UBA6: variants seen among roughly 807,000 people sequenced by gnomAD.
UBA6 encodes the protein ubiquitin like modifier activating enzyme 6.
Under a neutral mutation model 148.3 loss-of-function variants are expected in UBA6, and 87 were observed. That is an observed-to-expected ratio of 0.59 (90% confidence interval 0.49 to 0.70). UBA6 has a LOEUF of 0.70. UBA6 is among the 30% of genes least tolerant of loss of function. The pLI, the probability that UBA6 is intolerant of heterozygous loss-of-function variation, is 0.00. For synonymous variants in UBA6, 376 were observed against 401.0 expected (o/e 0.94, Z 0.75); for missense variants, 1,186 against 1,241.2 (o/e 0.96, Z 0.67).
chr4:67,618,968 G>A lies in UBA6; in HGVS notation c.*29C>T. On this transcript the variant is annotated 3_prime_UTR_variant, in exon 33 of 33. Transcript: ENST00000322244. ...AGTGCACTCTTTCCAAAATCAAGTG[G>A]TCCTGGAGTAACGTTAAGACAACTT... 1 of 1,608,130 alleles carries A rather than the reference G, an allele frequency of 6.2e-7. No individual in the cohort carries two copies. The highest frequency in any genetic ancestry group is 8.5e-7 in the Non-Finnish European group (1 of 1,177,464).
In UBA6 at chr4:67,617,141, T is replaced by C. The variant is rs1026216861; in HGVS notation, c.*1856A>G. The C allele has an allele frequency of 1.3e-5, 2 of 152,158 alleles. No individual in the cohort carries two copies. The highest frequency in any genetic ancestry group is 4.8e-5 in the African/African-American group (2 of 41,462). 9.4% of individuals were successfully genotyped at this position (152,158 alleles called of 1,614,324 possible). A position where few individuals can be genotyped will look rare whatever the true frequency, so the allele number is the denominator to read the frequency against. Reference sequence around the variant, plus strand: ...TATGAACTGACAGCATCGTTCTAAATTTACTTCTGAAGAGCTGTCGAGACT... The same window carrying C: ...TATGAACTGACAGCATCGTTCTAAACTTACTTCTGAAGAGCTGTCGAGACT... On this transcript the variant is annotated 3_prime_UTR_variant, in exon 33 of 33. Coordinates refer to ENST00000322244, the MANE Select transcript of UBA6 (RefSeq NM_018227.6).
intron 13 of UBA6, among the ~76,000 whole-genome samples, chr4:67,657,815 A>G (rs1360721623): frequency 1.5e-5 from 2 of 137,826 alleles, no homozygotes; most frequent in African/African-American, 5.3e-5. Flanking sequence ...CAAAGAACTT[A>G]AACAAATTTA....
chr4:67,661,951 G>A lies in UBA6; in HGVS notation c.1104+238C>T, dbSNP rs1729869108. ...TAGCAGCAAATATTAATTACTATAT[G>A]TCACATGGCATTTCTAAGTACTTTA... On this transcript the variant is annotated intron_variant, in intron 13 of 32. Coordinates refer to ENST00000322244, the MANE Select transcript of UBA6 (RefSeq NM_018227.6). 3 of 450,290 alleles carry A rather than the reference G, an allele frequency of 6.7e-6. No individual in the cohort carries two copies. In the East Asian group the frequency reaches 9.9e-5, roughly 15 times the overall value. The allele number at this position is 450,290 out of a possible 1,614,324, so 27.9% of individuals were successfully genotyped here.
At chr4:67,644,460 C>T (rs1729374713) in intron 17 of UBA6, among the ~76,000 whole-genome samples, 1 of 152,054 alleles carries the variant, frequency 6.6e-6, no homozygotes, top group South Asian at 2.1e-4. Context: ...GTCAGTTTCA[C>T]AGTAGTAGAG....
rs531702138 is a variant in UBA6, at chr4:67,648,234, C to T, written c.1248+834G>A. Among the ~76,000 whole-genome samples, 5 of 151,176 alleles carry T rather than the reference C, an allele frequency of 3.3e-5. No individual in the cohort carries two copies. In the South Asian group the frequency reaches 6.3e-4, roughly 19 times the overall value. ...CTGTAATCCCAGCACTTTGGGAGGC[C>T]GAGGCGGGTGGATCACGAAGTCAGG... On this transcript the variant is annotated intron_variant, in intron 14 of 32. Transcript: ENST00000322244.
In UBA6 at chr4:67,644,689, A is replaced by G. The variant is rs754066252; in HGVS notation, c.1476+9T>C. On this transcript the variant is annotated intron_variant, in intron 17 of 32. Transcript: ENST00000322244. ...ATAAACTTTTAACTCTCAAGAATTGATATCTTACCATTCCTTTCTCTTTGC... is the reference window on the plus strand; with the variant it reads ...ATAAACTTTTAACTCTCAAGAATTGGTATCTTACCATTCCTTTCTCTTTGC... 6 of 1,522,624 alleles carry G rather than the reference A, an allele frequency of 3.9e-6. No individual in the cohort carries two copies. Among genetic ancestry groups the G allele is most frequent in the South Asian group, 1.1e-5 (1 of 89,116 alleles). The allele number at this position is 1,522,624 out of a possible 1,614,324, so 94.3% of individuals were successfully genotyped here. A position where few individuals can be genotyped will look rare whatever the true frequency, so the allele number is the denominator to read the frequency against.
chr4:67,634,215 T>C, intron 22 of UBA6, 27 bp downstream of exon 22: 1 of 1,478,378 alleles, frequency 6.8e-7, no homozygotes, highest in Non-Finnish European at 9.2e-7. Flanking sequence ...AAGTGTTAAG[T>C]TTGTATTAAA....
chr4:67,683,450 G>C (rs116255888), intron 2 of UBA6, among the ~76,000 whole-genome samples: 3 of 152,208 alleles, frequency 2.0e-5, no homozygotes, highest in South Asian at 4.1e-4. Flanking sequence ...CTTAAGAGTT[G>C]TTTCTCTGAT....
intron 16 of UBA6, among the ~76,000 whole-genome samples, chr4:67,645,590 T>C (rs575058807): frequency 1.4e-3 from 218 of 151,644 alleles, no homozygotes; most frequent in African/African-American, 4.9e-3. Flanking sequence ...GAGCGAGACT[T>C]TGTCTCAGAA....
chr4:67,624,270 G>T lies in UBA6; in HGVS notation c.2713-17C>A. The T allele has an allele frequency of 6.3e-7, 1 of 1,585,278 alleles. No homozygotes were observed. Among genetic ancestry groups the T allele is most frequent in the South Asian group, 1.2e-5 (1 of 85,588 alleles). ...CAAGGCAACCTAGATAAAAGAAGGT[G>T]ATCTGATAATATAAACAGCCTAAAA... On this transcript the variant is annotated splice_polypyrimidine_tract_variant and intron_variant, in intron 29 of 32. Transcript: ENST00000322244.
chr4:67,663,779 G>T (rs757529565), intron 11 of UBA6, 106 bp downstream of exon 11: 3 of 940,974 alleles, frequency 3.2e-6, no homozygotes, highest in South Asian at 1.4e-5. Context: ...TATAAGGCCC[G>T]ACAGCCAGAT....
chr4:67,623,688 C>G (rs1164019801), intron 30 of UBA6, among the ~76,000 whole-genome samples: 1 of 151,990 alleles, frequency 6.6e-6, no homozygotes, highest in Non-Finnish European at 1.5e-5. Flanking sequence ...TTTGTACTCT[C>G]ATTAGTAATG....
At position 67,681,545 on chromosome 4, in the gene UBA6, C is replaced by G; in HGVS notation, c.258+18G>C. 1 of 1,550,038 alleles carries G rather than the reference C, an allele frequency of 6.5e-7. No individual in the cohort carries two copies. Among genetic ancestry groups the G allele is most frequent in the South Asian group, 1.2e-5 (1 of 81,254 alleles). Reference sequence around the variant, plus strand: ...AAAAGGCTCATAACAATTTTTCTTACAGAGGACATTTACTTACCTTAATCC... The same window carrying G: ...AAAAGGCTCATAACAATTTTTCTTAGAGAGGACATTTACTTACCTTAATCC... On this transcript the variant is annotated intron_variant, in intron 4 of 32. Coordinates refer to ENST00000322244, the MANE Select transcript of UBA6 (RefSeq NM_018227.6).
chr4:67,630,065 A>G (rs146341869), intron 26 of UBA6, among the ~76,000 whole-genome samples: 90 of 152,134 alleles, frequency 5.9e-4, no homozygotes, highest in African/African-American at 2.0e-3. Flanking sequence ...TGAAAAGCAC[A>G]TAAATTATCA....
At chr4:67,665,811 G>A (rs1729982630) in intron 9 of UBA6, among the ~76,000 whole-genome samples, 1 of 151,934 alleles carries the variant, frequency 6.6e-6, no homozygotes, top group Non-Finnish European at 1.5e-5. Flanking sequence ...ATGGATAAAA[G>A]TTTTAGGTTT....
intron 1 of UBA6, among the ~76,000 whole-genome samples, chr4:67,700,342 G>A (rs780166158): frequency 3.3e-5 from 5 of 152,142 alleles, no homozygotes; most frequent in Non-Finnish European, 7.4e-5. Context: ...TCTGACAGTG[G>A]TGGATAGAAT....
At chr4:67,630,660 G>GTT (rs75927546) in intron 25 of UBA6, 125 bp from the exon 26 acceptor site, 254 of 502,894 alleles carry the variant, frequency 5.1e-4, no homozygotes, top group Middle Eastern at 1.1e-3. Flanking sequence ...ATTATTTCAA[G>GTT]TTTTTTTTTT....
chr4:67,625,062 T>G lies in UBA6; in HGVS notation c.2644A>C (p.Lys882Gln). 1 of 1,613,380 alleles carries G rather than the reference T, an allele frequency of 6.2e-7. No homozygotes were observed. The highest frequency in any genetic ancestry group is 8.5e-7 in the Non-Finnish European group (1 of 1,179,448). The change falls in exon 29 of 33, where the codon AAA (lysine) becomes CAA (glutamine). Residue 882 changes from lysine to glutamine, a missense_variant. Coordinates refer to ENST00000322244, the MANE Select transcript of UBA6 (RefSeq NM_018227.6). ...MYSIEPADRF[K>Q]TKRIAGKIIP... ...ATTTTACCAGCTATGCGCTTTGTTT[T>G]GAAACGGTCAGCTGGTTCAATGCTG...
intron 16 of UBA6, among the ~76,000 whole-genome samples, chr4:67,645,435 T>C (rs956710148): frequency 2.6e-5 from 4 of 151,976 alleles, no homozygotes; most frequent in African/African-American, 7.2e-5. Flanking sequence ...TCCGTCTCTA[T>C]TGAAAATACA....
Sources: allele counts gnomAD v4.1 joint callset (sites outside exome capture counted in the v4.1 genomes callset), GRCh38; gene constraint gnomAD v4.1.1; transcripts MANE v1.5; gene names NCBI Gene and HGNC (gene_info 2026-07-23, HGNC 2026-07-21).